VPS13B: variants seen among roughly 807,000 people sequenced by gnomAD.
VPS13B encodes intermembrane lipid transfer protein VPS13B.
In VPS13B, 285 loss-of-function variants were observed where a neutral mutation model predicts 426.4. The ratio of observed to expected loss-of-function variants is 0.67; its 90% confidence interval spans 0.61 to 0.74. The LOEUF (loss-of-function observed/expected upper bound fraction) is 0.74. Among genes scored for constraint, VPS13B ranks in the 30% least tolerant of loss-of-function variants. VPS13B has a pLI of 0.00. For synonymous variants in VPS13B, 1,676 were observed against 1,676.4 expected (o/e 1.00, Z 0.01); for missense variants, 4,537 against 4,782.6 (o/e 0.95, Z 1.51).
chr8:99,854,694 A>G (rs1186001737), intron 56 of VPS13B, among the ~76,000 whole-genome samples: 1 of 152,194 alleles, frequency 6.6e-6, no homozygotes, highest in Non-Finnish European at 1.5e-5. Context: ...CCAGGTCTTC[A>G]GTCCCTCGGC....
In VPS13B at chr8:99,744,736, T is replaced by C. The variant is rs188665995; in HGVS notation, c.7051-22038T>C. Among the ~76,000 whole-genome samples, 8 of 149,852 alleles carry C rather than the reference T, an allele frequency of 5.3e-5. No homozygotes were observed. The South Asian group carries it at 6.3e-4, about 12-fold the overall frequency. On this transcript the variant is annotated intron_variant, in intron 39 of 61. Coordinates refer to ENST00000357162, the MANE Select transcript of VPS13B (RefSeq NM_152564.5). ...GTCTCAAGAACAAAAAACCAAACACTGCATATTCTCACTCATAGGTGGGAA... is the reference window on the plus strand; with the variant it reads ...GTCTCAAGAACAAAAAACCAAACACCGCATATTCTCACTCATAGGTGGGAA...
chr8:99,716,422 C>A (rs1431014010), intron 36 of VPS13B, among the ~76,000 whole-genome samples: 1 of 152,008 alleles, frequency 6.6e-6, no homozygotes, highest in Non-Finnish European at 1.5e-5. Flanking sequence ...ATATGAGCTC[C>A]TTGGGAGGAA....
intron 29 of VPS13B, among the ~76,000 whole-genome samples, chr8:99,514,757 T>C (rs1403767097): frequency 6.6e-6 from 1 of 152,188 alleles, no homozygotes; most frequent in Non-Finnish European, 1.5e-5. Context: ...GGCATGGAAG[T>C]TTCTGTTAGA....
intron 3 of VPS13B, among the ~76,000 whole-genome samples, chr8:99,084,941 G>A (rs558456596): frequency 1.2e-3 from 177 of 152,294 alleles, no homozygotes; most frequent in African/African-American, 4.2e-3. Context: ...TTGATTTGGG[G>A]TGGAGAGTTC....
chr8:99,615,562 CTCTT>C (rs1828050061), intron 33 of VPS13B, among the ~76,000 whole-genome samples: 1 of 152,212 alleles, frequency 6.6e-6, no homozygotes, highest in Non-Finnish European at 1.5e-5. Flanking sequence ...TTTTTAAAAA[CTCTT>C]TATTCCCTTG....
intron 35 of VPS13B, chr8:99,697,563 A>G: frequency 1.4e-6 from 1 of 695,758 alleles, no homozygotes; most frequent in Non-Finnish European, 2.6e-6. Flanking sequence ...TACAGCGAGA[A>G]CATGCAAGAG....
intron 27 of VPS13B, 125 bp from the exon 28 acceptor site, chr8:99,507,012 C>A: frequency 1.0e-6 from 1 of 973,972 alleles, no homozygotes. Context: ...ATTGCATTGT[C>A]AGATTTATGT....
chr8:99,556,475 C>T lies in VPS13B; in HGVS notation c.4771C>T (p.Arg1591Ter), dbSNP rs752429062. ...YQRALNLGIL[R>*]DPGSEIEDRQ... ...GAGAGCCTTGAACTTAGGAATTCTTCGAGATCCTGGATCAGAAATCGAAGA... is the reference window on the plus strand; with the variant it reads ...GAGAGCCTTGAACTTAGGAATTCTTTGAGATCCTGGATCAGAAATCGAAGA... Residue 1591 changes from arginine to a stop codon, truncating the protein, a stop_gained, in exon 31 of 62, where the codon CGA becomes TGA. Coordinates refer to ENST00000357162, the MANE Select transcript of VPS13B (RefSeq NM_152564.5). LOFTEE classifies it high-confidence loss of function. The T allele has an allele frequency of 6.2e-7, 1 of 1,612,696 alleles. No individual in the cohort carries two copies. The highest frequency in any genetic ancestry group is 8.5e-7 in the Non-Finnish European group (1 of 1,179,414).
At chr8:99,486,251 T>A (rs1325117736) in intron 25 of VPS13B, among the ~76,000 whole-genome samples, 1 of 152,166 alleles carries the variant, frequency 6.6e-6, no homozygotes, top group East Asian at 1.9e-4. Flanking sequence ...TTGGTTTTTT[T>A]TTTTACTATA....
chr8:99,504,315 C>T (rs1442718178), intron 27 of VPS13B, among the ~76,000 whole-genome samples: 2 of 152,156 alleles, frequency 1.3e-5, no homozygotes, highest in Non-Finnish European at 2.9e-5. Context: ...TGCAGAACCA[C>T]GAGCCAAATA....
chr8:99,159,257 CA>C (rs909009823), intron 15 of VPS13B, among the ~76,000 whole-genome samples: 8 of 152,024 alleles, frequency 5.3e-5, no homozygotes, highest in African/African-American at 1.9e-4. Context: ...TATGGATGAG[CA>C]AAGAAAGTGA....
At chr8:99,044,084 C>CTTTTTTTTTTTTTTTTTTTTT (rs5893476) in intron 3 of VPS13B, among the ~76,000 whole-genome samples, 53 of 98,932 alleles carry the variant, frequency 5.4e-4, no homozygotes, top group Non-Finnish European at 7.4e-4. Flanking sequence ...TTCTTTCTTT[C>CTTTTTTTTTTTTTTTTTTTTT]TTTTTTTTTT....
chr8:99,620,550 C>T (rs1828303340), intron 33 of VPS13B, among the ~76,000 whole-genome samples: 1 of 151,780 alleles, frequency 6.6e-6, no homozygotes, highest in Admixed American at 6.6e-5. Flanking sequence ...TATTGAGTTC[C>T]CATTATGTAT....
intron 34 of VPS13B, among the ~76,000 whole-genome samples, chr8:99,651,151 C>T (rs957930229): frequency 2.0e-5 from 3 of 152,136 alleles, no homozygotes; most frequent in South Asian, 2.1e-4. Context: ...CATTTAAAAA[C>T]GTATTTGAGA....
At chr8:99,665,637 A>G (rs1459329027) in intron 35 of VPS13B, among the ~76,000 whole-genome samples, 3 of 151,994 alleles carry the variant, frequency 2.0e-5, no homozygotes, top group African/African-American at 4.8e-5. Context: ...GTAGATATGC[A>G]GCATTATTTC....
At chr8:99,128,818 A>G (rs1304429180) in intron 8 of VPS13B, among the ~76,000 whole-genome samples, 1 of 152,170 alleles carries the variant, frequency 6.6e-6, no homozygotes, top group African/African-American at 2.4e-5. Flanking sequence ...TACACAATTT[A>G]TAACTACAAC....
chr8:99,463,089 A>T (rs1284424897), intron 23 of VPS13B, among the ~76,000 whole-genome samples: 2 of 152,034 alleles, frequency 1.3e-5, no homozygotes, highest in Non-Finnish European at 2.9e-5. Context: ...CTTCAATACC[A>T]ATTTACCCTA....
intron 33 of VPS13B, among the ~76,000 whole-genome samples, chr8:99,615,117 C>CAAAAA (rs747102670): frequency 1.7e-5 from 1 of 58,610 alleles, no homozygotes; most frequent in African/African-American, 5.8e-5. Flanking sequence ...AACTCCGTCT[C>CAAAAA]AAAAAAAAAA....
chr8:99,849,921 A>G (rs549381042), intron 55 of VPS13B, among the ~76,000 whole-genome samples: 15 of 144,546 alleles, frequency 1.0e-4, no homozygotes, highest in African/African-American at 4.1e-4. Context: ...ACATACATAC[A>G]TAAGTACGCA....
Sources: gnomAD v4.1 joint callset for allele counts (sites outside exome capture counted in the v4.1 genomes callset) on GRCh38, gnomAD v4.1.1 for gene constraint, MANE v1.5 for transcripts, NCBI Gene and HGNC (gene_info 2026-07-23, HGNC 2026-07-21) for gene names.